Variants in AREL1 observed in about 807,000 individuals in gnomAD.
AREL1 encodes apoptosis-resistant E3 ubiquitin protein ligase 1.
A neutral mutation model predicts 99.0 loss-of-function variants in AREL1; 62 were observed. That is an observed-to-expected ratio of 0.63 (90% confidence interval 0.51 to 0.77). The LOEUF is 0.77. Ranked by LOEUF, AREL1 falls within the 30% of genes least tolerant of loss-of-function variation. The pLI, the probability that AREL1 is intolerant of heterozygous loss-of-function variation, is 0.00. For missense variants in AREL1, 879 were observed against 1,027.6 expected (o/e 0.86, Z 1.98); for synonymous variants, 380 against 376.5 (o/e 1.01, Z -0.11).
intron 11 of AREL1, chr14:74,672,161 C>A (rs528692404): frequency 1.0e-5 from 3 of 294,458 alleles, no homozygotes; most frequent in Non-Finnish European, 2.2e-5. Context: ...GATTCAATAA[C>A]AAGAAGTTTC....
intron 7 of AREL1, 59 bp downstream of exon 7, chr14:74,676,082 C>A (rs2089466184): frequency 6.3e-7 from 1 of 1,577,350 alleles, no homozygotes; most frequent in Non-Finnish European, 8.6e-7. Flanking sequence ...CAAAAGAGTG[C>A]AAACAGGCAA....
At chr14:74,678,079 T>C in intron 5 of AREL1, 2 of 393,108 alleles carry the variant, frequency 5.1e-6, no homozygotes, top group South Asian at 1.9e-5. Context: ...AGATTATTTA[T>C]AGATTTAGTT....
At chr14:74,684,780 G>C (rs2089713608) in intron 3 of AREL1, 100 bp from the exon 4 acceptor site, 1 of 1,042,890 alleles carries the variant, frequency 9.6e-7, no homozygotes, top group African/African-American at 1.6e-5. Flanking sequence ...AAGGAGGTCA[G>C]GATGAGACTG....
In AREL1 at chr14:74,692,134, T is replaced by A; in HGVS notation, c.-139A>T. On this transcript the variant is annotated 5_prime_UTR_variant, in exon 2 of 20. The change creates a new upstream start codon in the 5' untranslated region. Transcript: ENST00000356357. ...GGCCCCTTTCACCTTGTCTTCCAAC[T>A]TCCACATGAAAGAAAAACGCCACAA... 2 of 444,910 alleles carry A rather than the reference T, an allele frequency of 4.5e-6. No homozygotes were observed. The highest frequency in any genetic ancestry group is 3.2e-5 in the South Asian group (2 of 62,312). The allele number at this position is 444,910 out of a possible 1,614,324, so 27.6% of individuals were successfully genotyped here. A position where few individuals can be genotyped will look rare whatever the true frequency, so the allele number is the denominator to read the frequency against.
At chr14:74,706,496 T>C (rs1328656303) in intron 1 of AREL1, among the ~76,000 whole-genome samples, 1 of 152,162 alleles carries the variant, frequency 6.6e-6, no homozygotes, top group East Asian at 1.9e-4. Flanking sequence ...TAGTTAAGAT[T>C]CCAAGAAGAA....
chr14:74,686,161 A>G (rs1459159245), intron 2 of AREL1, among the ~76,000 whole-genome samples: 1 of 152,154 alleles, frequency 6.6e-6, no homozygotes, highest in African/African-American at 2.4e-5. Context: ...ATTAAAATGA[A>G]CTCTGGGTCA....
At chr14:74,676,503 C>A (rs142892455) in intron 6 of AREL1, 80 bp downstream of exon 6, 21 of 1,491,238 alleles carry the variant, frequency 1.4e-5, no homozygotes, top group East Asian at 4.5e-5. Flanking sequence ...AAAGAGAGAT[C>A]GAAGTGAATT....
intron 11 of AREL1, 39 bp downstream of exon 11, chr14:74,672,792 A>C (rs1439814134): frequency 6.2e-7 from 1 of 1,611,982 alleles, no homozygotes; most frequent in East Asian, 2.2e-5. Context: ...TCAATTGGAA[A>C]ACTTTGGTAT....
intron 5 of AREL1, among the ~76,000 whole-genome samples, chr14:74,677,234 C>G (rs187087908): frequency 4.0e-5 from 6 of 151,694 alleles, no homozygotes; most frequent in Non-Finnish European, 5.9e-5. Flanking sequence ...GTGGCTCACA[C>G]GTGTAATCCC....
In AREL1 at chr14:74,668,871, TAA is replaced by T. The variant is rs1207293035; in HGVS notation, c.1914+776_1914+777del. Among the ~76,000 whole-genome samples the T allele has an allele frequency of 3.3e-5, 5 of 152,212 alleles. No individual in the cohort carries two copies. In the East Asian group the frequency reaches 9.6e-4, roughly 29 times the overall value. On this transcript the variant is annotated intron_variant, in intron 15 of 19. Coordinates refer to ENST00000356357, the MANE Select transcript of AREL1 (RefSeq NM_001039479.2). ...ATATCTCTGGGCCATCATTTTCTAATAAAAAGTTTTGGTTTTATTATTTTGAG... is the reference window on the plus strand; with the variant it reads ...ATATCTCTGGGCCATCATTTTCTAATAAAGTTTTGGTTTTATTATTTTGAG...
At chr14:74,671,557 A>G in intron 11 of AREL1, 74 bp from the exon 12 acceptor site, 8 of 986,810 alleles carry the variant, frequency 8.1e-6, no homozygotes, top group Non-Finnish European at 1.2e-5. Context: ...ACAACACAAG[A>G]GCACTGCCAT....
At chr14:74,675,598 G>A in intron 8 of AREL1, 101 bp downstream of exon 8, 1 of 1,464,248 alleles carries the variant, frequency 6.8e-7, no homozygotes. Context: ...TAACAATCTT[G>A]CCCTGATTCT....
chr14:74,692,381 G>T (rs2089901505), intron 1 of AREL1, 53 bp from the exon 2 acceptor site: 7 of 366,252 alleles, frequency 1.9e-5, no homozygotes, highest in East Asian at 9.0e-5. Context: ...TTTCTGAAAA[G>T]GATTCCCCAG....
rs113560779 is a variant in AREL1, at chr14:74,663,461, T to C, written c.*259A>G. Reference sequence around the variant, plus strand: ...GATCTTCAAAGGACCAAATAAATGATAGCAGCATGGTCCTCTTCTCATGAC... The same window carrying C: ...GATCTTCAAAGGACCAAATAAATGACAGCAGCATGGTCCTCTTCTCATGAC... On this transcript the variant is annotated 3_prime_UTR_variant, in exon 20 of 20. Coordinates refer to ENST00000356357, the MANE Select transcript of AREL1 (RefSeq NM_001039479.2). The C allele has an allele frequency of 2.9e-4, 140 of 489,406 alleles. No homozygotes were observed. The highest frequency in any genetic ancestry group is 2.0e-3 in the African/African-American group (104 of 51,472). 30.3% of individuals were successfully genotyped at this position (489,406 alleles called of 1,614,324 possible). A position where few individuals can be genotyped will look rare whatever the true frequency, so the allele number is the denominator to read the frequency against.
rs1238995937 is a variant in AREL1 at position 74,676,155 on chromosome 14, A to G, written c.818T>C (p.Ile273Thr). 1 of 1,613,694 alleles carries G rather than the reference A, an allele frequency of 6.2e-7. No individual in the cohort carries two copies. The highest frequency in any genetic ancestry group is 8.5e-7 in the Non-Finnish European group (1 of 1,179,972). Residue 273 changes from isoleucine to threonine, a missense_variant, in exon 7 of 20, where the codon ATT becomes ACT. Ile to Thr is a moderately conservative substitution (Grantham distance 89). Transcript: ENST00000356357. ...TTTTAACTTACCACTTAGGACAATAATGTCAAATTCACCATTATTGATTGG... is the reference window on the plus strand; with the variant it reads ...TTTTAACTTACCACTTAGGACAATAGTGTCAAATTCACCATTATTGATTGG... ...NQPINNGEFD[I>T]IVLSEDEKNI...
Position 74,661,589 on chromosome 14 carries a change from T to G in AREL1, c.*2131A>C. The G allele has an allele frequency of 5.4e-6, 1 of 184,416 alleles. No individual in the cohort carries two copies. Among genetic ancestry groups the G allele is most frequent in the Non-Finnish European group, 1.1e-5 (1 of 88,998 alleles). The allele number at this position is 184,416 out of a possible 1,614,324, so 11.4% of individuals were successfully genotyped here. A position where few individuals can be genotyped will look rare whatever the true frequency, so the allele number is the denominator to read the frequency against. The stretch of plus-strand genomic sequence containing the variant: ...TGTACCTTTTCCCCACACTGGCTAG[T>G]ATGAAAGCAGGATTAGAAAAAAAAA... On this transcript the variant is annotated 3_prime_UTR_variant, in exon 20 of 20. Coordinates refer to ENST00000356357, the MANE Select transcript of AREL1 (RefSeq NM_001039479.2).
Position 74,666,487 on chromosome 14 carries a change from A to G in AREL1, c.2103+832T>C, listed in dbSNP as rs555017283. Among the ~76,000 whole-genome samples the G allele has an allele frequency of 3.3e-5, 5 of 152,244 alleles. No homozygotes were observed. In the South Asian group the frequency reaches 1.0e-3, roughly 32 times the overall value. ...CTATATAAATAAAAATATATACTAT[A>G]TACTGTTTTGGTCTAATGCTTTTGA... On this transcript the variant is annotated intron_variant, in intron 17 of 19. Coordinates refer to ENST00000356357, the MANE Select transcript of AREL1 (RefSeq NM_001039479.2).
At chr14:74,680,970 G>A (rs953826690) in intron 5 of AREL1, among the ~76,000 whole-genome samples, 1 of 151,880 alleles carries the variant, frequency 6.6e-6, no homozygotes, top group Non-Finnish European at 1.5e-5. Context: ...ATTGCTTGAG[G>A]CCAGGAGTTA....
In AREL1 at chr14:74,662,437, T is replaced by G; in HGVS notation, c.*1283A>C. ...TAAAAACACAAATTTGGGAAGTCAA[T>G]GAGATTTTGAATCTTGAAATTATTT... On this transcript the variant is annotated 3_prime_UTR_variant, in exon 20 of 20. Transcript: ENST00000356357. 1 of 397,032 alleles carries G rather than the reference T, an allele frequency of 2.5e-6. No homozygotes were observed. The highest frequency in any genetic ancestry group is 1.4e-4 in the South Asian group (1 of 7,322). The allele number at this position is 397,032 out of a possible 1,614,324, so 24.6% of individuals were successfully genotyped here.
Sources: allele counts gnomAD v4.1 joint callset (sites outside exome capture counted in the v4.1 genomes callset), GRCh38; gene constraint gnomAD v4.1.1; transcripts MANE v1.5; gene names NCBI Gene and HGNC (gene_info 2026-07-23, HGNC 2026-07-21).